LAMA2: variants seen among roughly 807,000 people sequenced by gnomAD.
LAMA2 encodes laminin subunit alpha 2.
In LAMA2, 269 loss-of-function variants were observed where a neutral mutation model predicts 364.8. The ratio of observed to expected loss-of-function variants is 0.74; its 90% CI spans 0.67 to 0.82. LAMA2 has a LOEUF of 0.82. Among genes scored for constraint, LAMA2 ranks in the 40% least tolerant of loss-of-function variants. LAMA2 has a pLI of 0.00. For missense variants in LAMA2, 3,807 were observed against 3,873.2 expected (o/e 0.98, Z 0.45); for synonymous variants, 1,379 against 1,370.6 (o/e 1.01, Z -0.14).
intron 1 of LAMA2, among the ~76,000 whole-genome samples, chr6:128,928,502 C>G (rs1388801446): frequency 6.6e-6 from 1 of 152,130 alleles, no homozygotes; most frequent in Non-Finnish European, 1.5e-5. Context: ...AAAGACGACT[C>G]AGCTCTATGT....
intron 10 of LAMA2, among the ~76,000 whole-genome samples, chr6:129,186,487 G>A (rs114079272): frequency 2.0e-5 from 3 of 150,600 alleles, no homozygotes; most frequent in Admixed American, 6.6e-5. Context: ...TTTACTGTGT[G>A]TATTTATTTA....
At chr6:129,482,547 C>T (rs1171206549) in intron 55 of LAMA2, among the ~76,000 whole-genome samples, 2 of 152,204 alleles carry the variant, frequency 1.3e-5, no homozygotes, top group Admixed American at 1.3e-4. Context: ...TAAGTATGCA[C>T]ATACCCTTGT....
intron 58 of LAMA2, among the ~76,000 whole-genome samples, chr6:129,501,896 C>T (rs1368368726): frequency 2.0e-5 from 3 of 152,186 alleles, no homozygotes; most frequent in African/African-American, 7.2e-5. Context: ...CTGCTGTATG[C>T]TTTGCAAGGC....
At chr6:129,409,618 A>G (rs1780423921) in intron 40 of LAMA2, among the ~76,000 whole-genome samples, 1 of 152,206 alleles carries the variant, frequency 6.6e-6, no homozygotes, top group South Asian at 2.1e-4. Context: ...GTTGTCTCTC[A>G]AATGGAGAGT....
chr6:129,097,108 A>G lies in LAMA2; in HGVS notation c.397-1065A>G, dbSNP rs551805608. 5.3e-5 allele frequency among the ~76,000 whole-genome samples: 8 copies of G among 152,302 alleles called. No homozygotes were observed. The East Asian group carries it at 1.5e-3, about 29-fold the overall frequency. On this transcript the variant is annotated intron_variant, in intron 3 of 64. Coordinates refer to ENST00000421865, the MANE Select transcript of LAMA2 (RefSeq NM_000426.4). ...TTGTGCCCCACCAGTGACCTCATCC[A>G]CTTAGAGCTTAGAGCTGCCAAGCTC... is the stretch of plus-strand genomic sequence containing the variant.
At chr6:129,298,900 C>G (rs1460212661) in intron 21 of LAMA2, among the ~76,000 whole-genome samples, 3 of 152,184 alleles carry the variant, frequency 2.0e-5, no homozygotes, top group South Asian at 2.1e-4. Context: ...ATCTGTATAT[C>G]TCTAAGCCAA....
chr6:128,940,282 C>T (rs1446179385), intron 1 of LAMA2, among the ~76,000 whole-genome samples: 1 of 152,048 alleles, frequency 6.6e-6, no homozygotes, highest in Admixed American at 6.6e-5. Context: ...ACCACCACAC[C>T]CCACCCAACA....
chr6:129,426,642 A>C (rs1220191699), intron 40 of LAMA2, among the ~76,000 whole-genome samples: 3 of 152,076 alleles, frequency 2.0e-5, no homozygotes, highest in African/African-American at 7.2e-5. Context: ...TTTTTTATTT[A>C]TGTAGATGTT....
At chr6:129,445,912 A>C in intron 45 of LAMA2, 91 bp downstream of exon 45, 1 of 1,300,944 alleles carries the variant, frequency 7.7e-7, no homozygotes, top group Non-Finnish European at 1.1e-6. Flanking sequence ...TCCCCGTTGA[A>C]TGATCTTGGG....
At chr6:129,014,396 T>G (rs1391257193) in intron 1 of LAMA2, among the ~76,000 whole-genome samples, 1 of 152,212 alleles carries the variant, frequency 6.6e-6, no homozygotes, top group Non-Finnish European at 1.5e-5. Flanking sequence ...CACCTTTTCA[T>G]AATTGATTAT....
intron 1 of LAMA2, among the ~76,000 whole-genome samples, chr6:128,997,851 T>A (rs1208397161): frequency 1.3e-5 from 2 of 152,094 alleles, no homozygotes; most frequent in Non-Finnish European, 2.9e-5. Context: ...TTTTCCAGTG[T>A]GTGTTGTATA....
intron 1 of LAMA2, among the ~76,000 whole-genome samples, chr6:128,925,559 A>G (rs1779036222): frequency 6.6e-6 from 1 of 152,224 alleles, no homozygotes; most frequent in Non-Finnish European, 1.5e-5. Flanking sequence ...TTGCAAGATG[A>G]AAAGCATTCT....
intron 55 of LAMA2, among the ~76,000 whole-genome samples, chr6:129,485,205 T>C (rs1374361689): frequency 1.3e-5 from 2 of 152,164 alleles, no homozygotes; most frequent in Admixed American, 1.3e-4. Context: ...GATTCCTTCA[T>C]CATTGCCAGA....
chr6:129,112,589 G>A (rs999290885), intron 4 of LAMA2, among the ~76,000 whole-genome samples: 4 of 151,922 alleles, frequency 2.6e-5, no homozygotes, highest in Admixed American at 1.3e-4. Flanking sequence ...TAAATATTGA[G>A]CACTGTCTTT....
At position 128,883,221 on chromosome 6, in the gene LAMA2, A is replaced by G. The variant is rs1775903987; in HGVS notation, c.-25A>G. ...GCAGCGACTCCTCTGGCTCCCGAGA[A>G]GTGGATCCGGTCGCGGCCACTACGA... On this transcript the variant is annotated 5_prime_UTR_variant, in exon 1 of 65. Transcript: ENST00000421865. 11 of 1,547,144 alleles carry G rather than the reference A, an allele frequency of 7.1e-6. No homozygotes were observed. The East Asian group carries it at 2.7e-4, about 38-fold the overall frequency.
chr6:129,349,951 A>G (rs568604459), intron 31 of LAMA2, among the ~76,000 whole-genome samples: 2 of 152,318 alleles, frequency 1.3e-5, no homozygotes, highest in South Asian at 4.1e-4. Flanking sequence ...TTCTCTTACC[A>G]TATTGCTTAT....
At chr6:129,072,413 G>A (rs1338415336) in intron 3 of LAMA2, among the ~76,000 whole-genome samples, 6 of 151,862 alleles carry the variant, frequency 4.0e-5, no homozygotes, top group African/African-American at 1.5e-4. Flanking sequence ...CTGTGTTTGC[G>A]TGATATAGGT....
intron 34 of LAMA2, among the ~76,000 whole-genome samples, chr6:129,380,114 A>C (rs1402048255): frequency 6.6e-6 from 1 of 152,180 alleles, no homozygotes; most frequent in Non-Finnish European, 1.5e-5. Context: ...GGTAATAATA[A>C]TTATTTTTGA....
At chr6:129,023,319 C>T (rs148670282) in intron 1 of LAMA2, among the ~76,000 whole-genome samples, 32 of 152,250 alleles carry the variant, frequency 2.1e-4, no homozygotes, top group Admixed American at 5.9e-4. Flanking sequence ...AATTCTCTTC[C>T]ACCATTTTAG....
Sources: gnomAD v4.1 joint callset for allele counts (sites outside exome capture counted in the v4.1 genomes callset) on GRCh38, gnomAD v4.1.1 for gene constraint, MANE v1.5 for transcripts, NCBI Gene and HGNC (gene_info 2026-07-23, HGNC 2026-07-21) for gene names.